Variants in SH3GL2 observed in about 807,000 individuals in gnomAD.
SH3GL2 encodes the protein SH3 domain containing GRB2 like 2, endophilin A1, also known as endophilin-A1.
A neutral mutation model predicts 46.0 loss-of-function variants in SH3GL2; 24 were observed. The observed-to-expected ratio is 0.52, with a 90% CI of 0.38 to 0.73. The LOEUF (loss-of-function observed/expected upper bound fraction) is 0.73. Among genes scored for constraint, SH3GL2 ranks in the 30% least tolerant of loss-of-function variants. The probability of loss-of-function intolerance (pLI) is 0.00; values close to 1 mark genes in which losing one functional copy is unlikely to be tolerated. For synonymous variants in SH3GL2, 196 were observed against 147.1 expected (o/e 1.33, Z -2.40); for missense variants, 413 against 424.2 (o/e 0.97, Z 0.23).
chr9:17,652,473 A>C (rs1004043114), intron 1 of SH3GL2, among the ~76,000 whole-genome samples: 1 of 152,062 alleles, frequency 6.6e-6, no homozygotes, highest in South Asian at 2.1e-4. Flanking sequence ...GTTTTGGTCT[A>C]TGAGGTGATC....
chr9:17,679,467 C>T (rs987257081), intron 1 of SH3GL2, among the ~76,000 whole-genome samples: 3 of 152,078 alleles, frequency 2.0e-5, no homozygotes, highest in South Asian at 2.1e-4. Flanking sequence ...GTGATTTTTG[C>T]ACATTGATTT....
chr9:17,664,928 G>A (rs1257416828), intron 1 of SH3GL2, among the ~76,000 whole-genome samples: 1 of 151,390 alleles, frequency 6.6e-6, no homozygotes, highest in Non-Finnish European at 1.5e-5. Context: ...TTATTTCTTT[G>A]CTTTGATATT....
At chr9:17,683,993 A>T (rs1053852209) in intron 1 of SH3GL2, among the ~76,000 whole-genome samples, 20 of 152,094 alleles carry the variant, frequency 1.3e-4, no homozygotes, top group African/African-American at 4.6e-4. Flanking sequence ...AATACTACAT[A>T]CCTCAGTCTC....
At chr9:17,767,743 G>T (rs1823354713) in intron 3 of SH3GL2, among the ~76,000 whole-genome samples, 1 of 152,120 alleles carries the variant, frequency 6.6e-6, no homozygotes, top group African/African-American at 2.4e-5. Context: ...TCCTGGCAAT[G>T]AAAAATAATC....
intron 1 of SH3GL2, among the ~76,000 whole-genome samples, chr9:17,618,884 A>G (rs1477564632): frequency 6.6e-6 from 1 of 152,042 alleles, no homozygotes; most frequent in African/African-American, 2.4e-5. Context: ...AGAGAGAGAG[A>G]GAAAGAGAGA....
At chr9:17,739,286 A>G (rs1822454264) in intron 1 of SH3GL2, among the ~76,000 whole-genome samples, 1 of 152,044 alleles carries the variant, frequency 6.6e-6, no homozygotes, top group African/African-American at 2.4e-5. Context: ...TCCCAAAGTA[A>G]TTATTAGCAC....
intron 1 of SH3GL2, among the ~76,000 whole-genome samples, chr9:17,629,176 G>C (rs1819363932): frequency 6.6e-6 from 1 of 152,164 alleles, no homozygotes; most frequent in Admixed American, 6.5e-5. Flanking sequence ...TGAAGTGTGT[G>C]ATCTGGATTA....
rs142597077 is a variant in SH3GL2 at position 17,671,374 on chromosome 9, T to G, written c.46-75692T>G. Among the ~76,000 whole-genome samples the G allele has an allele frequency of 2.0e-5, 3 of 152,216 alleles. No homozygotes were observed. The East Asian group carries it at 5.8e-4, about 29-fold the overall frequency. On this transcript the variant is annotated intron_variant, in intron 1 of 8. Coordinates refer to ENST00000380607, the MANE Select transcript of SH3GL2 (RefSeq NM_003026.5). Reference sequence around the variant, plus strand: ...TAAGAATCAGAAAGTTACTGGAGATTAGGAAGGGTAGTGTGTGGCAGGGTG... The same window carrying G: ...TAAGAATCAGAAAGTTACTGGAGATGAGGAAGGGTAGTGTGTGGCAGGGTG...
chr9:17,726,158 T>C (rs1441854425), intron 1 of SH3GL2, among the ~76,000 whole-genome samples: 1 of 152,140 alleles, frequency 6.6e-6, no homozygotes, highest in Non-Finnish European at 1.5e-5. Flanking sequence ...AAATAAATGG[T>C]GGTTGCACCA....
intron 3 of SH3GL2, among the ~76,000 whole-genome samples, chr9:17,765,634 C>G (rs181790573): frequency 1.3e-5 from 2 of 152,188 alleles, no homozygotes; most frequent in South Asian, 4.1e-4. Context: ...CCTGCCCTTT[C>G]CCCAACACCT....
At position 17,652,319 on chromosome 9, in the gene SH3GL2, T is replaced by C. The variant is rs1819976518; in HGVS notation, c.45+73032T>C. Among the ~76,000 whole-genome samples, 3 of 152,160 alleles carry C rather than the reference T, an allele frequency of 2.0e-5. No individual in the cohort carries two copies. The South Asian group carries it at 6.2e-4, about 32-fold the overall frequency. On this transcript the variant is annotated intron_variant, in intron 1 of 8. Coordinates refer to ENST00000380607, the MANE Select transcript of SH3GL2 (RefSeq NM_003026.5). ...TTCTTCTTTAAATCATTATTATTCATTATTATTTTTACATATATGTGTTTT... is the reference window on the plus strand; with the variant it reads ...TTCTTCTTTAAATCATTATTATTCACTATTATTTTTACATATATGTGTTTT...
intron 1 of SH3GL2, among the ~76,000 whole-genome samples, chr9:17,740,563 A>G (rs562435621): frequency 6.6e-6 from 1 of 152,188 alleles, no homozygotes; most frequent in East Asian, 1.9e-4. Flanking sequence ...ATGGTCTTTT[A>G]TTTATTATCA....
At chr9:17,750,203 T>C (rs1822804480) in intron 2 of SH3GL2, among the ~76,000 whole-genome samples, 1 of 152,130 alleles carries the variant, frequency 6.6e-6, no homozygotes, top group Non-Finnish European at 1.5e-5. Flanking sequence ...TTCACACAAA[T>C]GTTTGAGCTC....
intron 1 of SH3GL2, among the ~76,000 whole-genome samples, chr9:17,586,393 A>G (rs1818378437): frequency 6.6e-6 from 1 of 152,206 alleles, no homozygotes; most frequent in African/African-American, 2.4e-5. Context: ...TATATAAAAA[A>G]TAGAAATATC....
chr9:17,762,463 G>C (rs1823206227), intron 3 of SH3GL2, among the ~76,000 whole-genome samples: 1 of 151,498 alleles, frequency 6.6e-6, no homozygotes, highest in South Asian at 2.1e-4. Context: ...TGTACTAAGT[G>C]CTGGCTCCTT....
chr9:17,793,552 C>T (rs1824194450), intron 8 of SH3GL2, 55 bp downstream of exon 8: 5 of 1,564,098 alleles, frequency 3.2e-6, no homozygotes, highest in South Asian at 2.3e-5. Context: ...TCCATTGGCA[C>T]TCTTCCAGAA....
chr9:17,778,721 T>C (rs918862543), intron 3 of SH3GL2, among the ~76,000 whole-genome samples: 2 of 152,112 alleles, frequency 1.3e-5, no homozygotes, highest in African/African-American at 2.4e-5. Context: ...TAGATGGTAG[T>C]AGCTTAGACC....
chr9:17,707,812 A>G (rs774651677), intron 1 of SH3GL2, among the ~76,000 whole-genome samples: 2 of 152,024 alleles, frequency 1.3e-5, no homozygotes, highest in East Asian at 1.9e-4. Context: ...TTCATTTGCT[A>G]CCGATAATAA....
At chr9:17,617,463 G>A (rs1479115531) in intron 1 of SH3GL2, among the ~76,000 whole-genome samples, 1 of 152,158 alleles carries the variant, frequency 6.6e-6, no homozygotes, top group Admixed American at 6.5e-5. Context: ...GGAAAATGCA[G>A]TGTCCTTGAT....
Sources: gnomAD v4.1 joint callset for allele counts (sites outside exome capture counted in the v4.1 genomes callset) on GRCh38, gnomAD v4.1.1 for gene constraint, MANE v1.5 for transcripts, NCBI Gene and HGNC (gene_info 2026-07-23, HGNC 2026-07-21) for gene names.